DENND1A: variants seen among roughly 807,000 people sequenced by gnomAD.
DENND1A encodes the protein DENN domain containing 1A, also known as DENN domain-containing protein 1A.
Under a neutral mutation model 113.7 loss-of-function variants are expected in DENND1A, and 51 were observed. The observed-to-expected ratio is 0.45, with a 90% CI of 0.36 to 0.57. DENND1A has a LOEUF of 0.57. DENND1A is among the 20% of genes least tolerant of loss of function. DENND1A has a pLI of 0.00. For synonymous variants in DENND1A, 565 were observed against 570.8 expected (o/e 0.99, Z 0.14); for missense variants, 1,258 against 1,395.9 (o/e 0.90, Z 1.57).
chr9:123,388,812 G>A (rs1010227159), intron 21 of DENND1A, among the ~76,000 whole-genome samples: 6 of 152,154 alleles, frequency 3.9e-5, no homozygotes, highest in African/African-American at 9.7e-5. Context: ...TTCAAATCCC[G>A]GCCCTTGTGC....
chr9:123,399,118 G>A (rs938146648), intron 21 of DENND1A, among the ~76,000 whole-genome samples: 3 of 152,080 alleles, frequency 2.0e-5, no homozygotes, highest in African/African-American at 7.2e-5. Flanking sequence ...TAATAGGAGG[G>A]GAGCTGTGAA....
At chr9:123,781,753 A>G (rs1031474378) in intron 3 of DENND1A, among the ~76,000 whole-genome samples, 2 of 151,994 alleles carry the variant, frequency 1.3e-5, no homozygotes, top group East Asian at 3.9e-4. Context: ...TTGCCTCCTA[A>G]CTTTTCTTTG....
chr9:123,879,972 T>C (rs1410987672), intron 1 of DENND1A, among the ~76,000 whole-genome samples: 1 of 152,218 alleles, frequency 6.6e-6, no homozygotes, highest in Non-Finnish European at 1.5e-5. Context: ...TTTATTATTA[T>C]ACTCTTACTT....
At position 123,671,279 on chromosome 9, in the gene DENND1A, C is replaced by T. The variant is rs377112129; in HGVS notation, c.453+12G>A. 2.3e-5 allele frequency: 37 copies of T among 1,613,626 alleles called. No individual in the cohort carries two copies. The highest frequency in any genetic ancestry group is 5.0e-5 in the Admixed American group (3 of 59,976). On this transcript the variant is annotated intron_variant, in intron 7 of 23. Transcript: ENST00000394215. Reference sequence around the variant, plus strand: ...GCGTTTTCAGTGATGGCTAATACTCCGCCCCACTTACCACGCTGAGATGGA... The same window carrying T: ...GCGTTTTCAGTGATGGCTAATACTCTGCCCCACTTACCACGCTGAGATGGA...
intron 12 of DENND1A, among the ~76,000 whole-genome samples, chr9:123,572,072 A>G (rs2058385467): frequency 6.6e-6 from 1 of 152,234 alleles, no homozygotes; most frequent in Non-Finnish European, 1.5e-5. Context: ...TTTGAAAGAT[A>G]CATGCAGTCA....
intron 9 of DENND1A, among the ~76,000 whole-genome samples, chr9:123,645,577 C>A (rs749541554): frequency 6.6e-6 from 1 of 152,198 alleles, no homozygotes; most frequent in Non-Finnish European, 1.5e-5. Flanking sequence ...TCCGCAGAAC[C>A]TCTCAGGATG....
intron 11 of DENND1A, among the ~76,000 whole-genome samples, chr9:123,587,152 G>A (rs2059214477): frequency 6.6e-6 from 1 of 152,012 alleles, no homozygotes; most frequent in African/African-American, 2.4e-5. Flanking sequence ...GCGGGGGTAG[G>A]TTAGTGAGGG....
chr9:123,798,725 C>CAAAAAAA (rs59256751), intron 2 of DENND1A, among the ~76,000 whole-genome samples: 2 of 70,032 alleles, frequency 2.9e-5, no homozygotes, highest in Non-Finnish European at 6.4e-5. Context: ...GTGCTGGAGG[C>CAAAAAAA]AAAAAAAAAA....
intron 2 of DENND1A, among the ~76,000 whole-genome samples, chr9:123,817,312 G>A (rs1360755711): frequency 6.6e-6 from 1 of 152,188 alleles, no homozygotes; most frequent in East Asian, 1.9e-4. Flanking sequence ...TAAAATTTCA[G>A]TGGGATTTCA....
intron 2 of DENND1A, among the ~76,000 whole-genome samples, chr9:123,849,014 T>C (rs551240413): frequency 1.3e-5 from 2 of 152,204 alleles, no homozygotes; most frequent in East Asian, 3.9e-4. Context: ...CTCCATAACA[T>C]AAAAAAGTGC....
intron 13 of DENND1A, among the ~76,000 whole-genome samples, chr9:123,459,438 T>C (rs1212818959): frequency 6.6e-6 from 1 of 152,040 alleles, no homozygotes; most frequent in African/African-American, 2.4e-5. Flanking sequence ...TGATCAAAAA[T>C]AAAATATACT....
At chr9:123,750,815 C>A (rs2069954176) in intron 5 of DENND1A, among the ~76,000 whole-genome samples, 1 of 152,180 alleles carries the variant, frequency 6.6e-6, no homozygotes, top group African/African-American at 2.4e-5. Context: ...TGCCCAACTG[C>A]CCTCAAACAT....
intron 19 of DENND1A, among the ~76,000 whole-genome samples, chr9:123,428,042 G>A (rs2045873760): frequency 6.6e-6 from 1 of 152,204 alleles, no homozygotes; most frequent in African/African-American, 2.4e-5. Flanking sequence ...AGTGGCTCAC[G>A]CCTGTAATCC....
In DENND1A at chr9:123,620,232, A is replaced by AAAAAAAAAAAAAAAAAAAAAAAAG. The variant is rs1554916729; in HGVS notation, c.719+10143_719+10144insCTTTTTTTTTTTTTTTTTTTTTTT. 1.4e-4 allele frequency among the ~76,000 whole-genome samples: 16 copies of AAAAAAAAAAAAAAAAAAAAAAAAG among 114,416 alleles called. 1 individual carries two copies. Among genetic ancestry groups the AAAAAAAAAAAAAAAAAAAAAAAAG allele is most frequent in the African/African-American group, 4.1e-4 (11 of 26,858 alleles). 75.1% of individuals were successfully genotyped at this position (114,416 alleles called of 152,430 possible). On this transcript the variant is annotated intron_variant, in intron 10 of 23. Transcript: ENST00000394215. ...CCATCTCAAAAAAAAAAAAAAAAAA[A>AAAAAAAAAAAAAAAAAAAAAAAAG]AAAAAAGAAAAGAAAAAGAAAAAAA...
At chr9:123,392,091 G>C (rs2042884561) in intron 21 of DENND1A, among the ~76,000 whole-genome samples, 1 of 152,206 alleles carries the variant, frequency 6.6e-6, no homozygotes, top group Non-Finnish European at 1.5e-5. Flanking sequence ...GCGCGCGCGT[G>C]TGACAGTGGT....
intron 7 of DENND1A, among the ~76,000 whole-genome samples, chr9:123,669,166 C>T (rs1440603214): frequency 6.6e-6 from 1 of 152,118 alleles, no homozygotes; most frequent in African/African-American, 2.4e-5. Flanking sequence ...ATCAGACACA[C>T]AGAAATATAC....
intron 2 of DENND1A, among the ~76,000 whole-genome samples, chr9:123,818,505 T>C (rs973859384): frequency 7.8e-6 from 1 of 128,792 alleles, no homozygotes; most frequent in Non-Finnish European, 1.6e-5. Flanking sequence ...TATTGGCATA[T>C]ATATACATAC....
intron 3 of DENND1A, among the ~76,000 whole-genome samples, chr9:123,770,037 G>A (rs528032410): frequency 4.6e-5 from 7 of 152,298 alleles, no homozygotes; most frequent in East Asian, 1.9e-4. Context: ...CAGCAGAATC[G>A]AAAGCCAACT....
At chr9:123,727,256 A>C (rs2067776251) in intron 5 of DENND1A, among the ~76,000 whole-genome samples, 1 of 152,206 alleles carries the variant, frequency 6.6e-6, no homozygotes, top group African/African-American at 2.4e-5. Context: ...AGAGCCAGAA[A>C]ACATCCACTT....
Sources: gnomAD v4.1 joint callset for allele counts (sites outside exome capture counted in the v4.1 genomes callset) on GRCh38, gnomAD v4.1.1 for gene constraint, MANE v1.5 for transcripts, NCBI Gene and HGNC (gene_info 2026-07-23, HGNC 2026-07-21) for gene names.